Variants in AASDH observed in about 807,000 individuals in gnomAD.
The protein encoded by AASDH is beta-alanine-activating enzyme.
Under a neutral mutation model 102.3 loss-of-function variants are expected in AASDH, and 81 were observed. The ratio of observed to expected loss-of-function variants is 0.79; its 90% CI spans 0.66 to 0.95. AASDH has a LOEUF of 0.95. Ranked by LOEUF, AASDH falls within the 40% of genes least tolerant of loss-of-function variation. The pLI is 0.00. For synonymous variants in AASDH, 398 were observed against 454.0 expected, an observed-to-expected ratio of 0.88 and a Z score of 1.57; for missense variants, 1,203 against 1,266.2, an observed-to-expected ratio of 0.95 and a Z score of 0.76.
rs371289211 is a variant in AASDH, at chr4:56,371,769, T to C, written c.669-126A>G. ...GTTGGCCAGATTTTATTCTTCTCTC[T>C]TAAATTAGCCAAAATGGTGCTATCA... On this transcript the variant is annotated intron_variant, in intron 4 of 14. Coordinates refer to ENST00000205214, the MANE Select transcript of AASDH (RefSeq NM_181806.4). 3 of 852,792 alleles carry C rather than the reference T, an allele frequency of 3.5e-6. No homozygotes were observed. The East Asian group carries it at 9.2e-5, about 26-fold the overall frequency. The allele number at this position is 852,792 out of a possible 1,614,324, so 52.8% of individuals were successfully genotyped here.
chr4:56,353,947 T>C (rs983756595), intron 8 of AASDH, 92 bp downstream of exon 8: 2 of 1,198,070 alleles, frequency 1.7e-6, no homozygotes, highest in African/African-American at 3.1e-5. Flanking sequence ...ATGTCAGGTG[T>C]AAATAATAGA....
intron 11 of AASDH, 76 bp from the exon 12 acceptor site, chr4:56,345,366 A>G (rs7696808): frequency 0.13 from 174,196 of 1,380,684 alleles, 11,958 homozygotes; most frequent in Admixed American, 0.27. Context: ...ACAGCATGCA[A>G]TTTATATTCA....
At chr4:56,342,110 CAAAAAAAAAAAA>C (rs113304959) in intron 14 of AASDH, among the ~76,000 whole-genome samples, 3 of 97,484 alleles carry the variant, frequency 3.1e-5, no homozygotes, top group Non-Finnish European at 6.0e-5. Context: ...GATTCTGTCT[CAAAAAAAAAAAA>C]AAAAAAAAAA....
chr4:56,341,288 G>A (rs1388114912), intron 14 of AASDH, among the ~76,000 whole-genome samples: 1 of 149,858 alleles, frequency 6.7e-6, no homozygotes. Context: ...AGTGGATAAA[G>A]AAAATGTAGT....
At chr4:56,386,532 G>A (rs1401110880) in intron 1 of AASDH, among the ~76,000 whole-genome samples, 12 of 152,046 alleles carry the variant, frequency 7.9e-5, no homozygotes, top group African/African-American at 2.9e-4. Context: ...GGTGGCTCAC[G>A]CCTGTAATCC....
chr4:56,385,754 T>C lies in AASDH; in HGVS notation c.-42-1413A>G, dbSNP rs905438007. On this transcript the variant is annotated intron_variant, in intron 1 of 14. Coordinates refer to ENST00000205214, the MANE Select transcript of AASDH (RefSeq NM_181806.4). ...CTGGGATTACAAGTGCGCGCTACCA[T>C]GTCCAACTAATTTTTGTTTTTGTTA... is the stretch of plus-strand genomic sequence containing the variant. Among the ~76,000 whole-genome samples, 3 of 151,650 alleles carry C rather than the reference T, an allele frequency of 2.0e-5. 1 individual carries two copies. Among genetic ancestry groups the C allele is most frequent in the South Asian group, 4.2e-4 (2 of 4,766 alleles).
chr4:56,351,568 T>C (rs1749002423), intron 9 of AASDH, 111 bp from the exon 10 acceptor site: 1 of 615,480 alleles, frequency 1.6e-6, no homozygotes, highest in South Asian at 2.3e-5. Context: ...ACAGAAATCA[T>C]ATAAAGAGTT....
Position 56,356,951 on chromosome 4 carries a change from C to T in AASDH, c.862-1528G>A, listed in dbSNP as rs1013063182. The T allele has an allele frequency of 2.2e-5, 12 of 548,210 alleles. 1 individual carries two copies. The highest frequency in any genetic ancestry group is 5.1e-4 in the Middle Eastern group (1 of 1,952). The allele number at this position is 548,210 out of a possible 1,614,324, so 34.0% of individuals were successfully genotyped here. A position where few individuals can be genotyped will look rare whatever the true frequency, so the allele number is the denominator to read the frequency against. On this transcript the variant is annotated intron_variant, in intron 5 of 14. Transcript: ENST00000205214. Reference sequence around the variant, plus strand: ...GGTTAAATGTACACTGCTGAGTTTTCTGTAAATAAAAATAATTAAAATAAT... The same window carrying T: ...GGTTAAATGTACACTGCTGAGTTTTTTGTAAATAAAAATAATTAAAATAAT...
chr4:56,371,373 A>C (rs1285328783), intron 5 of AASDH, 78 bp downstream of exon 5: 1 of 1,405,112 alleles, frequency 7.1e-7, no homozygotes, highest in East Asian at 2.5e-5. Context: ...AAAGAACTAC[A>C]GGAATACAAA....
intron 5 of AASDH, among the ~76,000 whole-genome samples, chr4:56,368,047 A>T (rs1417361960): frequency 2.6e-5 from 4 of 152,236 alleles, no homozygotes; most frequent in Non-Finnish European, 5.9e-5. Context: ...CCCCATCAAC[A>T]AGTGGGCGAA....
At chr4:56,356,227 T>C in intron 5 of AASDH, 1 of 777,658 alleles carries the variant, frequency 1.3e-6, no homozygotes, top group Non-Finnish European at 2.3e-6. Flanking sequence ...ATCCCCTGTT[T>C]GAGAAAAGGC....
intron 14 of AASDH, among the ~76,000 whole-genome samples, chr4:56,339,922 A>ACTT (rs939231007): frequency 6.6e-6 from 1 of 151,952 alleles, no homozygotes; most frequent in Non-Finnish European, 1.5e-5. Flanking sequence ...TAATCCCAAC[A>ACTT]CTTTGGGAGG....
chr4:56,364,515 A>C (rs2109941704), intron 5 of AASDH, among the ~76,000 whole-genome samples: 1 of 152,354 alleles, frequency 6.6e-6, no homozygotes, highest in East Asian at 1.9e-4. Flanking sequence ...CTAACAGCTG[A>C]TCACTCGGCA....
intron 11 of AASDH, chr4:56,348,960 T>C (rs552240532): frequency 1.3e-5 from 5 of 392,474 alleles, no homozygotes; most frequent in Non-Finnish European, 2.3e-5. Flanking sequence ...AGTTTTGGGG[T>C]ATTTGTGATA....
intron 12 of AASDH, 40 bp from the exon 13 acceptor site, chr4:56,343,724 G>A (rs757473505): frequency 6.3e-7 from 1 of 1,575,562 alleles, no homozygotes; most frequent in South Asian, 1.2e-5. Context: ...CTTGTTGATG[G>A]TTAACAAATC....
At chr4:56,368,853 C>T (rs1165614640) in intron 5 of AASDH, among the ~76,000 whole-genome samples, 1 of 142,730 alleles carries the variant, frequency 7.0e-6, no homozygotes, top group African/African-American at 2.5e-5. Context: ...TACACATGTA[C>T]CCTAAAACTT....
Position 56,351,476 on chromosome 4 carries a change from TAAC to T in AASDH, c.1577-22_1577-20del, listed in dbSNP as rs1340098816. On this transcript the variant is annotated intron_variant, in intron 9 of 14. Coordinates refer to ENST00000205214, the MANE Select transcript of AASDH (RefSeq NM_181806.4). ...ATTTTGCCTTAATATAAAAGAGAAA[TAAC>T]AAATGTTTTAAAACATTTTAAAATT... 2 of 1,320,664 alleles carry T rather than the reference TAAC, an allele frequency of 1.5e-6. No individual in the cohort carries two copies. Among genetic ancestry groups the T allele is most frequent in the Non-Finnish European group, 2.1e-6 (2 of 936,706 alleles). The allele number at this position is 1,320,664 out of a possible 1,614,324, so 81.8% of individuals were successfully genotyped here. A position where few individuals can be genotyped will look rare whatever the true frequency, so the allele number is the denominator to read the frequency against.
chr4:56,347,045 A>G (rs1748414404), intron 11 of AASDH, among the ~76,000 whole-genome samples: 1 of 152,042 alleles, frequency 6.6e-6, no homozygotes, highest in Non-Finnish European at 1.5e-5. Flanking sequence ...TGTCTTAAAA[A>G]AAAAAAAAAA....
intron 5 of AASDH, among the ~76,000 whole-genome samples, chr4:56,360,515 CGA>C: frequency 6.6e-6 from 1 of 152,274 alleles, no homozygotes; most frequent in Middle Eastern, 3.4e-3. Flanking sequence ...CAGAATGCCA[CGA>C]AGTTCCACTA....
Sources: allele counts gnomAD v4.1 joint callset (sites outside exome capture counted in the v4.1 genomes callset), GRCh38; gene constraint gnomAD v4.1.1; transcripts MANE v1.5; gene names NCBI Gene and HGNC (gene_info 2026-07-23, HGNC 2026-07-21).